Variants in ANTXR1 observed in about 807,000 individuals in gnomAD.
ANTXR1 encodes the protein anthrax toxin receptor 1.
ANTXR1 carries 19 observed loss-of-function variants against 78.1 expected under a neutral mutation model. The observed-to-expected ratio is 0.24, with a 90% CI of 0.17 to 0.36. The LOEUF (loss-of-function observed/expected upper bound fraction) is 0.36, where lower values mean the gene tolerates loss of function less well. Ranked by LOEUF, ANTXR1 falls within the 10% of genes least tolerant of loss-of-function variation. The probability of loss-of-function intolerance (pLI) is 1.00; values close to 1 mark genes in which losing one functional copy is unlikely to be tolerated. For missense variants in ANTXR1, 518 were observed against 718.6 expected, an observed-to-expected ratio of 0.72 and a Z score of 3.19; for synonymous variants, 273 against 260.5, an observed-to-expected ratio of 1.05 and a Z score of -0.46.
chr2:69,051,633 G>A (rs1228623101), intron 3 of ANTXR1, among the ~76,000 whole-genome samples: 1 of 151,870 alleles, frequency 6.6e-6, no homozygotes, highest in Admixed American at 6.6e-5. Context: ...TAGAAAATAT[G>A]TACACTTTGA....
chr2:69,069,203 T>C (rs960879747), intron 3 of ANTXR1, among the ~76,000 whole-genome samples: 10 of 152,128 alleles, frequency 6.6e-5, no homozygotes, highest in African/African-American at 2.4e-4. Context: ...ACTATTTTCT[T>C]TAGAATTCCC....
chr2:69,193,400 A>G lies in ANTXR1; in HGVS notation c.1419A>G (p.Pro473=). Reference sequence around the variant, plus strand: ...ATGATCGTGTGTCTGTGATGCGTCCACAGCCAGGAGACACGGTAGGACTCG... The same window carrying G: ...ATGATCGTGTGTCTGTGATGCGTCCGCAGCCAGGAGACACGGTAGGACTCG... ...KGYDRVSVMR[P]QPGDTGRCIN... Residue 473 remains proline (P), a synonymous_variant, in exon 17 of 18, where the codon CCA becomes CCG. Transcript: ENST00000303714. 6.2e-7 allele frequency: 1 copy of G among 1,613,740 alleles called. No homozygotes were observed.
chr2:69,151,424 T>A (rs554424195), intron 12 of ANTXR1, among the ~76,000 whole-genome samples: 2 of 152,138 alleles, frequency 1.3e-5, no homozygotes, highest in African/African-American at 4.8e-5. Flanking sequence ...AGCAGCTTCC[T>A]TGAACCAGCA....
chr2:69,044,164 G>A (rs548870386), intron 2 of ANTXR1, among the ~76,000 whole-genome samples: 12 of 152,172 alleles, frequency 7.9e-5, no homozygotes, highest in African/African-American at 2.6e-4. Flanking sequence ...TGAGAAGTAT[G>A]ACTACCAAGT....
chr2:69,103,295 C>T (rs1361339928), intron 10 of ANTXR1: 2 of 368,432 alleles, frequency 5.4e-6, no homozygotes, highest in Non-Finnish European at 1.0e-5. Context: ...GGCTCACTCT[C>T]AGGTGGGAGT....
chr2:69,125,006 T>C (rs574384018), intron 12 of ANTXR1, among the ~76,000 whole-genome samples: 2 of 152,220 alleles, frequency 1.3e-5, no homozygotes, highest in South Asian at 4.1e-4. Flanking sequence ...GGACAGCATA[T>C]ACAGAAAGAA....
chr2:69,175,720 G>T (rs1408167213), intron 14 of ANTXR1, among the ~76,000 whole-genome samples: 1 of 152,146 alleles, frequency 6.6e-6, no homozygotes, highest in African/African-American at 2.4e-5. Context: ...TGAATATGTG[G>T]ACATCTATAG....
At chr2:69,163,026 T>C (rs1673725642) in intron 13 of ANTXR1, among the ~76,000 whole-genome samples, 1 of 152,028 alleles carries the variant, frequency 6.6e-6, no homozygotes, top group Non-Finnish European at 1.5e-5. Flanking sequence ...TCAATAAAAA[T>C]GCCACCGTTT....
intron 3 of ANTXR1, among the ~76,000 whole-genome samples, chr2:69,049,810 A>G (rs1669877196): frequency 6.6e-6 from 1 of 152,132 alleles, no homozygotes; most frequent in South Asian, 2.1e-4. Context: ...GGGTTTTACA[A>G]TTATGCATTT....
At chr2:69,181,765 T>C (rs545317409) in intron 14 of ANTXR1, 21 bp from the exon 15 acceptor site, 6 of 1,613,260 alleles carry the variant, frequency 3.7e-6, no homozygotes, top group Middle Eastern at 1.7e-4. Context: ...GCTTCCTTCA[T>C]GTGCCACAAT....
intron 16 of ANTXR1, among the ~76,000 whole-genome samples, chr2:69,184,792 C>G (rs1355154312): frequency 1.3e-5 from 2 of 152,186 alleles, no homozygotes; most frequent in African/African-American, 4.8e-5. Flanking sequence ...GTGTGCCAGG[C>G]ACTGTAGGAT....
At chr2:69,059,675 T>A (rs1027470695) in intron 3 of ANTXR1, among the ~76,000 whole-genome samples, 1 of 152,224 alleles carries the variant, frequency 6.6e-6, no homozygotes, top group Non-Finnish European at 1.5e-5. Flanking sequence ...AAAGACATAC[T>A]ACTATTACAT....
intron 8 of ANTXR1, among the ~76,000 whole-genome samples, chr2:69,078,404 C>T (rs1390543857): frequency 2.0e-5 from 3 of 152,174 alleles, no homozygotes; most frequent in South Asian, 2.1e-4. Context: ...GATCACTTTC[C>T]TCTTAAGACA....
chr2:69,218,903 G>A (rs548275537), intron 17 of ANTXR1, among the ~76,000 whole-genome samples: 1 of 152,298 alleles, frequency 6.6e-6, no homozygotes, highest in South Asian at 2.1e-4. Flanking sequence ...TGGTTCCAAA[G>A]GCCGGAGCGA....
chr2:69,172,163 C>T (rs952249059), intron 14 of ANTXR1, among the ~76,000 whole-genome samples: 9 of 152,132 alleles, frequency 5.9e-5, no homozygotes, highest in African/African-American at 2.2e-4. Context: ...CCTCCATTTC[C>T]CTTTGAAACC....
At position 69,036,989 on chromosome 2, in the gene ANTXR1, G is replaced by A. The variant is rs190514315; in HGVS notation, c.153-3055G>A. On this transcript the variant is annotated intron_variant, in intron 1 of 17. Coordinates refer to ENST00000303714, the MANE Select transcript of ANTXR1 (RefSeq NM_032208.3). ...AAGATTTCTAAAGCTTTAAGCCCAG[G>A]GCTAGGATATGCAGTTCTGGTGAGC... is the stretch of plus-strand genomic sequence containing the variant. 5.3e-5 allele frequency among the ~76,000 whole-genome samples: 8 copies of A among 152,278 alleles called. 1 individual carries two copies. The highest frequency in any genetic ancestry group is 5.2e-4 in the Admixed American group (8 of 15,306).
intron 16 of ANTXR1, among the ~76,000 whole-genome samples, chr2:69,188,663 A>G (rs1573964986): frequency 6.6e-6 from 1 of 152,242 alleles, no homozygotes; most frequent in Non-Finnish European, 1.5e-5. Context: ...AGGCTTGTGG[A>G]TAAATCTTTG....
chr2:69,213,895 C>G (rs571227080), intron 17 of ANTXR1, among the ~76,000 whole-genome samples: 6 of 152,366 alleles, frequency 3.9e-5, no homozygotes, highest in African/African-American at 1.4e-4. Flanking sequence ...GCCCCCATTG[C>G]CAGCAGCCTT....
At chr2:69,070,389 GGGAAA>G (rs1262497521) in intron 3 of ANTXR1, among the ~76,000 whole-genome samples, 3 of 152,172 alleles carry the variant, frequency 2.0e-5, no homozygotes, top group East Asian at 1.9e-4. Flanking sequence ...ATTGTGTTAA[GGGAAA>G]GGAAAGTGTT....
Sources: gnomAD v4.1 joint callset for allele counts (sites outside exome capture counted in the v4.1 genomes callset) on GRCh38, gnomAD v4.1.1 for gene constraint, MANE v1.5 for transcripts, NCBI Gene and HGNC (gene_info 2026-07-23, HGNC 2026-07-21) for gene names.